MYO1E: variants seen among roughly 807,000 people sequenced by gnomAD.
MYO1E encodes unconventional myosin-Ie.
MYO1E carries 68 observed loss-of-function variants against 151.1 expected under a neutral mutation model. The ratio of observed to expected loss-of-function variants is 0.45; its 90% CI spans 0.37 to 0.55. The LOEUF (loss-of-function observed/expected upper bound fraction) is 0.55, where lower values mean the gene tolerates loss of function less well. Ranked by LOEUF, MYO1E falls within the 20% of genes least tolerant of loss-of-function variation. MYO1E has a pLI of 0.00. For synonymous variants in MYO1E, 601 were observed against 501.7 expected, an observed-to-expected ratio of 1.20 and a Z score of -2.64; for missense variants, 1,363 against 1,389.3, an observed-to-expected ratio of 0.98 and a Z score of 0.30.
chr15:59,225,578 C>G (rs747999755), intron 7 of MYO1E, among the ~76,000 whole-genome samples: 1 of 152,152 alleles, frequency 6.6e-6, no homozygotes, highest in African/African-American at 2.4e-5. Context: ...TCCTGTGTGG[C>G]AGGATTTTCT....
At chr15:59,161,011 T>G in intron 24 of MYO1E, 62 bp downstream of exon 24, 1 of 1,602,130 alleles carries the variant, frequency 6.2e-7, no homozygotes, top group Non-Finnish European at 8.5e-7. Context: ...GTTTGCAGCA[T>G]TTGCTCGGGA....
chr15:59,138,062 G>T, intron 27 of MYO1E, 136 bp downstream of exon 27: 2 of 1,040,218 alleles, frequency 1.9e-6, no homozygotes, highest in Non-Finnish European at 3.0e-6. Flanking sequence ...ATCAGACTGA[G>T]CCTGAGGCCT....
chr15:59,242,941 CAG>C (rs1244757592), intron 4 of MYO1E, among the ~76,000 whole-genome samples: 5 of 152,078 alleles, frequency 3.3e-5, no homozygotes, highest in Non-Finnish European at 1.5e-5. Context: ...ATGGCAAACA[CAG>C]AGAACAAGAT....
At chr15:59,228,390 A>G (rs1482530670) in intron 6 of MYO1E, among the ~76,000 whole-genome samples, 1 of 151,998 alleles carries the variant, frequency 6.6e-6, no homozygotes, top group African/African-American at 2.4e-5. Flanking sequence ...GAATCGCTTG[A>G]ACCTGGGAGG....
Position 59,223,247 on chromosome 15 carries a change from C to A in MYO1E, c.778-56G>T, listed in dbSNP as rs2306780. ...AGCTGGTCACCAGCTTTAAAAGCACCTTAGGAAGAAGCCAAGGCACAGCAG... is the reference window on the plus strand; with the variant it reads ...AGCTGGTCACCAGCTTTAAAAGCACATTAGGAAGAAGCCAAGGCACAGCAG... On this transcript the variant is annotated intron_variant, in intron 8 of 27. Transcript: ENST00000288235. 4.5e-5 allele frequency: 73 copies of A among 1,611,192 alleles called. No homozygotes were observed. In the African/African-American group the frequency reaches 9.3e-4, roughly 20 times the overall value.
At chr15:59,280,989 AC>A (rs1424449060) in intron 1 of MYO1E, among the ~76,000 whole-genome samples, 3 of 151,908 alleles carry the variant, frequency 2.0e-5, no homozygotes, top group African/African-American at 7.3e-5. Flanking sequence ...CCCCATCCTC[AC>A]CTCCAACCCA....
At position 59,207,707 on chromosome 15, in the gene MYO1E, C is replaced by G. The variant is rs771539915; in HGVS notation, c.1530+974G>C. On this transcript the variant is annotated intron_variant, in intron 14 of 27. Coordinates refer to ENST00000288235, the MANE Select transcript of MYO1E (RefSeq NM_004998.4). ...CCTGTGTGGAGTGGAGTGAACATAG[C>G]TGGTGTCCCTTTGAAGGATCTGAAC... The G allele has an allele frequency of 1.9e-6, 3 of 1,614,038 alleles. No homozygotes were observed. The African/African-American group carries it at 4.0e-5, about 22-fold the overall frequency.
intron 4 of MYO1E, among the ~76,000 whole-genome samples, chr15:59,249,660 GCTCA>G (rs1461653709): frequency 5.3e-5 from 8 of 152,074 alleles, no homozygotes; most frequent in African/African-American, 1.7e-4. Context: ...TTAGGTCATC[GCTCA>G]CTTTTTATTT....
chr15:59,226,755 C>G (rs2079994153), intron 7 of MYO1E, among the ~76,000 whole-genome samples: 1 of 152,114 alleles, frequency 6.6e-6, no homozygotes, highest in Non-Finnish European at 1.5e-5. Flanking sequence ...TGCAGTGAGC[C>G]AAGATTGTGC....
chr15:59,178,340 C>T, intron 19 of MYO1E, 53 bp downstream of exon 19: 1 of 1,606,840 alleles, frequency 6.2e-7, no homozygotes, highest in Non-Finnish European at 8.5e-7. Context: ...TGGAGCAGGG[C>T]TGGCGGGGGC....
chr15:59,362,550 T>C (rs759906587), intron 1 of MYO1E, among the ~76,000 whole-genome samples: 1 of 152,272 alleles, frequency 6.6e-6, no homozygotes, highest in Non-Finnish European at 1.5e-5. Flanking sequence ...GTCATCATTT[T>C]GCATTGATGC....
chr15:59,274,895 C>T (rs1490156948), intron 1 of MYO1E, among the ~76,000 whole-genome samples: 2 of 152,116 alleles, frequency 1.3e-5, no homozygotes, highest in East Asian at 1.9e-4. Flanking sequence ...GATTCCTAGC[C>T]CCAGTCTCTA....
At chr15:59,163,999 T>A (rs2079551500) in intron 22 of MYO1E, among the ~76,000 whole-genome samples, 1 of 152,188 alleles carries the variant, frequency 6.6e-6, no homozygotes, top group African/African-American at 2.4e-5. Flanking sequence ...AACTGCATGT[T>A]TGGACAGGGT....
intron 17 of MYO1E, among the ~76,000 whole-genome samples, chr15:59,192,639 G>C (rs1209758545): frequency 6.6e-6 from 1 of 152,204 alleles, no homozygotes; most frequent in Non-Finnish European, 1.5e-5. Flanking sequence ...GGGCAAGTGA[G>C]ATGTTTTCAT....
intron 22 of MYO1E, among the ~76,000 whole-genome samples, chr15:59,164,420 T>C (rs1331145923): frequency 6.6e-6 from 1 of 152,192 alleles, no homozygotes; most frequent in African/African-American, 2.4e-5. Flanking sequence ...TTTTATTCTC[T>C]CCAAGTGCCA....
chr15:59,361,573 C>G (rs1209565867), intron 1 of MYO1E, among the ~76,000 whole-genome samples: 1 of 152,000 alleles, frequency 6.6e-6, no homozygotes, highest in East Asian at 1.9e-4. Flanking sequence ...GTTTATAAAC[C>G]TCCTGAAGTT....
chr15:59,209,814 CCTTTTTTTT>C (rs1782261658), intron 13 of MYO1E, among the ~76,000 whole-genome samples: 1 of 99,462 alleles, frequency 1.0e-5, no homozygotes, highest in African/African-American at 4.7e-5. Context: ...TTTTGAATCA[CCTTTTTTTT>C]TTTTTTTTTT....
At chr15:59,257,168 A>G (rs1472542944) in intron 3 of MYO1E, among the ~76,000 whole-genome samples, 2 of 152,216 alleles carry the variant, frequency 1.3e-5, no homozygotes, top group African/African-American at 4.8e-5. Context: ...AACCTCAAAA[A>G]TTACTAAAAA....
chr15:59,258,861 GAA>G (rs765255975), intron 3 of MYO1E, among the ~76,000 whole-genome samples: 1 of 125,200 alleles, frequency 8.0e-6, no homozygotes. Flanking sequence ...TGTTTCAAAA[GAA>G]AAAAAAAAAA....
Sources: allele counts gnomAD v4.1 joint callset (sites outside exome capture counted in the v4.1 genomes callset), GRCh38; gene constraint gnomAD v4.1.1; transcripts MANE v1.5; gene names NCBI Gene and HGNC (gene_info 2026-07-23, HGNC 2026-07-21).